C6orf132: variants seen among roughly 807,000 people sequenced by gnomAD.
The protein encoded by C6orf132 is uncharacterized protein C6orf132.
In C6orf132, 43 loss-of-function variants were observed where a neutral mutation model predicts 65.3. That is an observed-to-expected ratio of 0.66 (90% CI 0.52 to 0.85). C6orf132 has a LOEUF of 0.85. C6orf132 is among the 40% of genes least tolerant of loss of function. The probability of loss-of-function intolerance (pLI) is 0.00; values close to 1 mark genes in which losing one functional copy is unlikely to be tolerated. For synonymous variants in C6orf132, 631 were observed against 654.1 expected (o/e 0.96, Z 0.54); for missense variants, 1,488 against 1,548.8 (o/e 0.96, Z 0.66).
rs952863304 is a variant in C6orf132, at chr6:42,142,301, G to A, written c.144C>T (p.Phe48=). ...QEAPEEGTGG[F]DGIYYGDNRF... ...GCCCTCCGTCCCCGGAGTACTCACC[G>A]AAGCCCCCGGTCCCCTCCTCCGGGG... Residue 48 remains phenylalanine (F), a splice_region_variant and synonymous_variant, in exon 1 of 5, where the codon TTC becomes TTT. Coordinates refer to ENST00000341865, the MANE Select transcript of C6orf132 (RefSeq NM_001164446.3). 5.2e-6 allele frequency: 8 copies of A among 1,549,784 alleles called. No homozygotes were observed. Among genetic ancestry groups the A allele is most frequent in the Non-Finnish European group, 7.0e-6 (8 of 1,146,502 alleles).
At chr6:42,133,017 C>T (rs1358648088) in intron 1 of C6orf132, among the ~76,000 whole-genome samples, 1 of 152,186 alleles carries the variant, frequency 6.6e-6, no homozygotes, top group African/African-American at 2.4e-5. Context: ...ATCCTCAAAG[C>T]ATTCAAGGTC....
chr6:42,129,402 A>T (rs1197882261), intron 1 of C6orf132, among the ~76,000 whole-genome samples: 12 of 152,212 alleles, frequency 7.9e-5, no homozygotes, highest in African/African-American at 2.4e-5. Flanking sequence ...TCTGCCACTG[A>T]CTGCCCATGT....
intron 2 of C6orf132, among the ~76,000 whole-genome samples, chr6:42,122,247 G>A (rs1766700222): frequency 3.3e-5 from 5 of 149,432 alleles, no homozygotes; most frequent in Non-Finnish European, 1.5e-5. Context: ...ATTATGGCGG[G>A]CCCAGGTCTG....
rs1249988762 is a variant in C6orf132 at position 42,107,165 on chromosome 6, G to A, written c.747C>T (p.Leu249=). ...ACTTGGTGACACCCCCAGGGGGAAA[G>A]AGACGAGTCCCCACTGTGTGAGGAG... is the stretch of plus-strand genomic sequence containing the variant. The part of the protein sequence containing the change: ...PASPHTVGTR[L]FPPGGVTKWK... The change falls in exon 4 of 5, where the codon CTC becomes CTT. Residue 249 remains leucine, a synonymous_variant. Transcript: ENST00000341865. 7.0e-7 allele frequency: 1 copy of A among 1,433,904 alleles called. No individual in the cohort carries two copies. Among genetic ancestry groups the A allele is most frequent in the Non-Finnish European group, 9.1e-7 (1 of 1,097,516 alleles). The allele number at this position is 1,433,904 out of a possible 1,614,324, so 88.8% of individuals were successfully genotyped here.
intron 1 of C6orf132, among the ~76,000 whole-genome samples, chr6:42,132,244 G>A (rs573155104): frequency 3.3e-5 from 5 of 152,274 alleles, no homozygotes; most frequent in East Asian, 3.9e-4. Flanking sequence ...GGCTGGGTGC[G>A]GGGGCTCACA....
rs568578371 is a variant in C6orf132, at chr6:42,107,187, G to A, written c.725C>T (p.Pro242Leu). The A allele has an allele frequency of 1.4e-3, 1,956 of 1,431,518 alleles. 3 individuals carry two copies. Among genetic ancestry groups the A allele is most frequent in the Non-Finnish European group, 1.4e-3 (1,558 of 1,097,008 alleles). 88.7% of individuals were successfully genotyped at this position (1,431,518 alleles called of 1,614,324 possible). A position where few individuals can be genotyped will look rare whatever the true frequency, so the allele number is the denominator to read the frequency against. The change falls in exon 4 of 5, where the codon CCT becomes CTT. Residue 242 changes from proline to leucine, a missense_variant. Coordinates refer to ENST00000341865, the MANE Select transcript of C6orf132 (RefSeq NM_001164446.3). ...PAPAPPAPAS[P>L]HTVGTRLFPP... ...AAAGAGACGAGTCCCCACTGTGTGA[G>A]GAGATGCTGGAGCTGGGGGTGCTGG... is the stretch of plus-strand genomic sequence containing the variant.
chr6:42,134,236 C>T (rs1038415940), intron 1 of C6orf132, among the ~76,000 whole-genome samples: 11 of 152,316 alleles, frequency 7.2e-5, no homozygotes, highest in South Asian at 6.2e-4. Context: ...ACTGTGGGAT[C>T]CTGGGAGCCT....
At position 42,105,075 on chromosome 6, in the gene C6orf132, C is replaced by T. The variant is rs1216623061; in HGVS notation, c.2837G>A (p.Trp946Ter). Residue 946 changes from tryptophan (W) to a stop codon, truncating the protein, a stop_gained, in exon 4 of 5, where the codon TGG becomes TAG. Transcript: ENST00000341865. LOFTEE classifies it high-confidence loss of function. Reference protein sequence around the residue: ...TKPEPQAPVAWERVAPSNLPQ... With the variant: ...TKPEPQAPVA ...GAGGTTGGAGGGAGCTACTCTTTCCCAGGCCACAGGGGCCTGGGGCTCTGG... is the reference window on the plus strand; with the variant it reads ...GAGGTTGGAGGGAGCTACTCTTTCCTAGGCCACAGGGGCCTGGGGCTCTGG... 1 of 1,536,798 alleles carries T rather than the reference C, an allele frequency of 6.5e-7. No individual in the cohort carries two copies. Among genetic ancestry groups the T allele is most frequent in the Admixed American group, 2.0e-5 (1 of 50,964 alleles).
chr6:42,136,463 T>TTG (rs1766942984), intron 1 of C6orf132, among the ~76,000 whole-genome samples: 1 of 152,192 alleles, frequency 6.6e-6, no homozygotes, highest in South Asian at 2.1e-4. Context: ...GGGCCTTAGC[T>TTG]TGGGGAGTTT....
rs1312615912 is a variant in C6orf132, at chr6:42,106,403, G to C, written c.1509C>G (p.Gly503=). 17 of 1,535,692 alleles carry C rather than the reference G, an allele frequency of 1.1e-5. No homozygotes were observed. Among genetic ancestry groups the C allele is most frequent in the Non-Finnish European group, 1.5e-5 (17 of 1,146,840 alleles). The part of the protein sequence containing the change: ...GPTVAPQSKE[G]KKGPRLPEKE... ...TCTCAGGCAGGCGGGGGCCCTTCTT[G>C]CCCTCCTTGCTCTGAGGGGCCACTG... The change falls in exon 4 of 5, where the codon GGC becomes GGG. Residue 503 remains glycine, a synonymous_variant. Coordinates refer to ENST00000341865, the MANE Select transcript of C6orf132 (RefSeq NM_001164446.3).
intron 1 of C6orf132, 100 bp from the exon 2 acceptor site, chr6:42,128,878 GC>G (rs1291229865): frequency 2.5e-6 from 2 of 789,378 alleles, no homozygotes; most frequent in Non-Finnish European, 4.3e-6. Flanking sequence ...GAAAGCCAGG[GC>G]CTGCGTGTCT....
intron 1 of C6orf132, among the ~76,000 whole-genome samples, chr6:42,137,816 C>T (rs1267071008): frequency 9.1e-5 from 4 of 43,950 alleles, no homozygotes; most frequent in East Asian, 3.7e-3. Flanking sequence ...GAGGCAGGGG[C>T]GGGGGCGGGG....
chr6:42,125,085 C>G (rs1311985677), intron 2 of C6orf132, among the ~76,000 whole-genome samples: 1 of 152,222 alleles, frequency 6.6e-6, no homozygotes, highest in East Asian at 1.9e-4. Flanking sequence ...TGGCAAGAGG[C>G]CTGGTGCCCA....
rs967167935 is a variant in C6orf132, at chr6:42,105,706, A to G, written c.2206T>C (p.Ser736Pro). ...GGCAGCCTAGTGGCCTCTGAGGGGG[A>G]CCCCTCTCCCCTTGCCTGGGAGGGA... The part of the protein sequence containing the change: ...STPSQARGEG[S>P]PSEATRLPTQ... Residue 736 changes from serine (S) to proline (P), a missense_variant, in exon 4 of 5, where the codon TCC (serine) becomes CCC (proline). Physicochemically the swap from Ser to Pro is moderately conservative, Grantham distance 74. Coordinates refer to ENST00000341865, the MANE Select transcript of C6orf132 (RefSeq NM_001164446.3). 1.3e-6 allele frequency: 2 copies of G among 1,536,872 alleles called. No individual in the cohort carries two copies. Among genetic ancestry groups the G allele is most frequent in the South Asian group, 2.4e-5 (2 of 84,036 alleles).
At position 42,101,337 on chromosome 6, in the gene C6orf132, C is replaced by A. The variant is rs754144702; in HGVS notation, c.*2424G>T. 1 of 152,260 alleles carries A rather than the reference C, an allele frequency of 6.6e-6. No individual in the cohort carries two copies. Among genetic ancestry groups the A allele is most frequent in the African/African-American group, 2.4e-5 (1 of 41,448 alleles). 9.4% of individuals were successfully genotyped at this position (152,260 alleles called of 1,614,324 possible). A position where few individuals can be genotyped will look rare whatever the true frequency, so the allele number is the denominator to read the frequency against. ...TCCCCACTCGCTAGTTATTCTCTCA[C>A]GTTCCCTGTTTTTTCCTTCTTACTA... On this transcript the variant is annotated 3_prime_UTR_variant, in exon 5 of 5. Coordinates refer to ENST00000341865, the MANE Select transcript of C6orf132 (RefSeq NM_001164446.3).
In C6orf132 at chr6:42,106,663, A is replaced by G. The variant is rs1196660609; in HGVS notation, c.1249T>C (p.Leu417=). Residue 417 remains leucine (L), a synonymous_variant, in exon 4 of 5, where the codon TTG becomes CTG. Coordinates refer to ENST00000341865, the MANE Select transcript of C6orf132 (RefSeq NM_001164446.3). ...APPLPPAAPP[L]PCAQKAAHPP... is the part of the protein sequence containing the mutation. ...TGGGCTGCCTTCTGAGCACAGGGCAAAGGAGGTGCAGCTGGGGGAAGTGGG... is the reference window on the plus strand; with the variant it reads ...TGGGCTGCCTTCTGAGCACAGGGCAGAGGAGGTGCAGCTGGGGGAAGTGGG... 1.9e-5 allele frequency: 25 copies of G among 1,341,232 alleles called. No homozygotes were observed. The highest frequency in any genetic ancestry group is 2.4e-5 in the Non-Finnish European group (25 of 1,032,578). The allele number at this position is 1,341,232 out of a possible 1,614,324, so 83.1% of individuals were successfully genotyped here.
intron 2 of C6orf132, among the ~76,000 whole-genome samples, chr6:42,123,491 AG>A (rs1766720596): frequency 7.1e-6 from 1 of 141,808 alleles, no homozygotes; most frequent in African/African-American, 2.7e-5. Flanking sequence ...AAGAAGAAGA[AG>A]AAAAGAAGAA....
rs1179994791 is a variant in C6orf132, at chr6:42,102,833, A to G, written c.*928T>C. On this transcript the variant is annotated 3_prime_UTR_variant, in exon 5 of 5. Coordinates refer to ENST00000341865, the MANE Select transcript of C6orf132 (RefSeq NM_001164446.3). ...CTTTCTAGCATCTTAAGGCATCAAG[A>G]GTATTGGTGACTTGTAGTATCAGTG... 8.0e-6 allele frequency: 3 copies of G among 377,254 alleles called. No individual in the cohort carries two copies. Among genetic ancestry groups the G allele is most frequent in the Non-Finnish European group, 1.4e-5 (3 of 213,062 alleles). 23.4% of individuals were successfully genotyped at this position (377,254 alleles called of 1,614,324 possible). A position where few individuals can be genotyped will look rare whatever the true frequency, so the allele number is the denominator to read the frequency against.
chr6:42,102,807 G>C lies in C6orf132; in HGVS notation c.*954C>G, dbSNP rs1766314787. 2 of 336,690 alleles carry C rather than the reference G, an allele frequency of 5.9e-6. No individual in the cohort carries two copies. The highest frequency in any genetic ancestry group is 9.7e-5 in the Admixed American group (2 of 20,614). 20.9% of individuals were successfully genotyped at this position (336,690 alleles called of 1,614,324 possible). A position where few individuals can be genotyped will look rare whatever the true frequency, so the allele number is the denominator to read the frequency against. ...ATCTCTGCTGCCTCCACTCTCCAAG[G>C]CTTTCTAGCATCTTAAGGCATCAAG... is the stretch of plus-strand genomic sequence containing the variant. On this transcript the variant is annotated 3_prime_UTR_variant, in exon 5 of 5. Transcript: ENST00000341865.
Sources: gnomAD v4.1 joint callset for allele counts (sites outside exome capture counted in the v4.1 genomes callset) on GRCh38, gnomAD v4.1.1 for gene constraint, MANE v1.5 for transcripts, NCBI Gene and HGNC (gene_info 2026-07-23, HGNC 2026-07-21) for gene names.